STX8: variants seen among roughly 807,000 people sequenced by gnomAD.
STX8 encodes syntaxin 8.
Under a neutral mutation model 37.5 loss-of-function variants are expected in STX8, and 23 were observed. That is an observed-to-expected ratio of 0.61 (90% CI 0.44 to 0.87). The LOEUF is 0.87. Among genes scored for constraint, STX8 ranks in the 40% least tolerant of loss-of-function variants. The pLI is 0.00. For synonymous variants in STX8, 115 were observed against 99.1 expected (o/e 1.16, Z -0.95); for missense variants, 313 against 284.7 (o/e 1.10, Z -0.71).
chr17:9,287,995 G>A (rs530715596), intron 7 of STX8, among the ~76,000 whole-genome samples: 15 of 147,176 alleles, frequency 1.0e-4, no homozygotes, highest in East Asian at 2.1e-4. Context: ...TGATCCACCC[G>A]CCTCGGCTTC....
At chr17:9,542,130 A>G (rs146797890) in intron 4 of STX8, among the ~76,000 whole-genome samples, 1,698 of 152,170 alleles carry the variant, frequency 0.011, 36 homozygotes, top group African/African-American at 0.038. Flanking sequence ...AGGCTGAGGC[A>G]GGCAGATCAC....
intron 7 of STX8, among the ~76,000 whole-genome samples, chr17:9,286,285 C>T (rs57138902): frequency 0.2 from 31,018 of 152,134 alleles, 3,315 homozygotes; most frequent in Middle Eastern, 0.29. Context: ...GAAGGGCATA[C>T]GTTTCGGCCC....
chr17:9,509,891 A>T (rs1904968961), intron 4 of STX8, among the ~76,000 whole-genome samples: 1 of 151,912 alleles, frequency 6.6e-6, no homozygotes, highest in Non-Finnish European at 1.5e-5. Context: ...GAAGAAACTC[A>T]CCTGACCTAC....
intron 7 of STX8, among the ~76,000 whole-genome samples, chr17:9,257,030 G>A (rs1237317971): frequency 3.9e-5 from 6 of 152,172 alleles, no homozygotes; most frequent in Non-Finnish European, 8.8e-5. Context: ...CTTCGGGATC[G>A]TTTCTCTGCG....
chr17:9,499,899 C>A (rs565115014), intron 5 of STX8, among the ~76,000 whole-genome samples: 1 of 152,212 alleles, frequency 6.6e-6, no homozygotes, highest in East Asian at 1.9e-4. Flanking sequence ...CCTAAAGCAA[C>A]CCCTGAAAAT....
At chr17:9,358,226 G>T (rs1910946552) in intron 7 of STX8, among the ~76,000 whole-genome samples, 1 of 152,150 alleles carries the variant, frequency 6.6e-6, no homozygotes, top group African/African-American at 2.4e-5. Flanking sequence ...GGGCATGGTG[G>T]TGCACACCTG....
intron 7 of STX8, among the ~76,000 whole-genome samples, chr17:9,274,678 A>AAATAATAATAATAATAAT (rs57248368): frequency 1.8e-4 from 19 of 106,700 alleles, no homozygotes; most frequent in South Asian, 1.1e-3. Flanking sequence ...TCTGTCTCAA[A>AAATAATAATAATAATAAT]AATAATAATA....
intron 7 of STX8, among the ~76,000 whole-genome samples, chr17:9,281,699 C>A (rs750780358): frequency 1.3e-5 from 2 of 152,102 alleles, no homozygotes; most frequent in African/African-American, 4.8e-5. Flanking sequence ...TTTGGGAGGC[C>A]GAGGCAGGTG....
At chr17:9,256,115 A>T (rs1035997841) in intron 7 of STX8, among the ~76,000 whole-genome samples, 1 of 152,158 alleles carries the variant, frequency 6.6e-6, no homozygotes, top group South Asian at 2.1e-4. Context: ...ACAGTAAGTA[A>T]CCCTCATCTC....
At chr17:9,574,264 G>A (rs770649897) in intron 1 of STX8, among the ~76,000 whole-genome samples, 6 of 145,270 alleles carry the variant, frequency 4.1e-5, no homozygotes, top group Non-Finnish European at 7.5e-5. Context: ...GACAGAGCAA[G>A]ACTCCGTCTC....
At chr17:9,269,015 G>A (rs1019495245) in intron 7 of STX8, among the ~76,000 whole-genome samples, 20 of 151,994 alleles carry the variant, frequency 1.3e-4, no homozygotes, top group East Asian at 1.9e-4. Context: ...GTGAAACCCC[G>A]TCTCTACTAA....
chr17:9,545,017 G>A (rs747319372), intron 4 of STX8, among the ~76,000 whole-genome samples, 155 bp downstream of exon 4: 13 of 151,904 alleles, frequency 8.6e-5, no homozygotes, highest in African/African-American at 2.9e-4. Context: ...AAAAATTAAC[G>A]AAAACTAAAT....
intron 7 of STX8, among the ~76,000 whole-genome samples, chr17:9,327,825 C>T (rs573722668): frequency 6.6e-6 from 1 of 152,088 alleles, no homozygotes; most frequent in Non-Finnish European, 1.5e-5. Context: ...CAGGTGTGCA[C>T]CACCACACCC....
intron 4 of STX8, among the ~76,000 whole-genome samples, chr17:9,542,816 C>T (rs769102385): frequency 4.6e-5 from 7 of 152,032 alleles, no homozygotes; most frequent in South Asian, 2.1e-4. Context: ...GTTTGGGGTT[C>T]GGGTTGGAAA....
intron 6 of STX8, among the ~76,000 whole-genome samples, chr17:9,462,598 C>T (rs953342111): frequency 2.6e-5 from 4 of 152,194 alleles, no homozygotes; most frequent in Admixed American, 6.5e-5. Flanking sequence ...TGGCAGGTGC[C>T]TGTAATCCCA....
chr17:9,344,969 G>A lies in STX8; in HGVS notation c.643+33583C>T, dbSNP rs576712057. ...TAACCTGGTCAGTGTTTTAAAAATCGGCAAAGTTTACACAAAATCATCGCT... is the reference window on the plus strand; with the variant it reads ...TAACCTGGTCAGTGTTTTAAAAATCAGCAAAGTTTACACAAAATCATCGCT... On this transcript the variant is annotated intron_variant, in intron 7 of 7. Coordinates refer to ENST00000306357, the MANE Select transcript of STX8 (RefSeq NM_004853.3). Among the ~76,000 whole-genome samples, 7 of 152,158 alleles carry A rather than the reference G, an allele frequency of 4.6e-5. 1 individual carries two copies. The South Asian group carries it at 1.5e-3, about 32-fold the overall frequency.
At chr17:9,263,867 C>G (rs908363598) in intron 7 of STX8, among the ~76,000 whole-genome samples, 1 of 152,214 alleles carries the variant, frequency 6.6e-6, no homozygotes, top group Non-Finnish European at 1.5e-5. Context: ...TGACATTGCT[C>G]TCATCAAGAG....
intron 6 of STX8, among the ~76,000 whole-genome samples, chr17:9,447,960 C>T (rs187442483): frequency 3.3e-5 from 5 of 151,552 alleles, no homozygotes; most frequent in African/African-American, 7.3e-5. Flanking sequence ...AGGCAGATCA[C>T]GAGGTCAGGA....
chr17:9,373,126 G>GAAAAGA (rs551413671), intron 7 of STX8, among the ~76,000 whole-genome samples: 47 of 148,590 alleles, frequency 3.2e-4, no homozygotes, highest in Middle Eastern at 3.5e-3. Context: ...AAAAAGAAAA[G>GAAAAGA]AAAAGAAAAA....
Sources: allele counts gnomAD v4.1 joint callset (sites outside exome capture counted in the v4.1 genomes callset), GRCh38; gene constraint gnomAD v4.1.1; transcripts MANE v1.5; gene names NCBI Gene and HGNC (gene_info 2026-07-23, HGNC 2026-07-21).